NRG1: variants seen among roughly 807,000 people sequenced by gnomAD.
NRG1 encodes pro-neuregulin-1, membrane-bound isoform.
A neutral mutation model predicts 63.8 loss-of-function variants in NRG1; 18 were observed. The observed-to-expected ratio is 0.28, with a 90% CI of 0.19 to 0.42. NRG1 has a LOEUF of 0.42. Among genes scored for constraint, NRG1 ranks in the 10% least tolerant of loss-of-function variants. The probability of loss-of-function intolerance (pLI) is 1.00; values close to 1 mark genes in which losing one functional copy is unlikely to be tolerated. For synonymous variants in NRG1, 302 were observed against 301.3 expected, an observed-to-expected ratio of 1.00 and a Z score of -0.02; for missense variants, 762 against 814.7, an observed-to-expected ratio of 0.94 and a Z score of 0.79.
chr8:32,751,864 C>T (rs1241656293), intron 7 of NRG1, among the ~76,000 whole-genome samples: 1 of 151,378 alleles, frequency 6.6e-6, no homozygotes, highest in Admixed American at 6.6e-5. Flanking sequence ...ATCTATTCTT[C>T]TGTAATTAAC....
intron 1 of NRG1, among the ~76,000 whole-genome samples, chr8:32,348,645 A>C (rs1025046741): frequency 6.6e-6 from 1 of 152,212 alleles, no homozygotes; most frequent in Admixed American, 6.5e-5. Flanking sequence ...TAACTACACT[A>C]TCAGTATGGT....
At chr8:31,818,841 A>T (rs1563440106) in intron 1 of NRG1, among the ~76,000 whole-genome samples, 1 of 152,096 alleles carries the variant, frequency 6.6e-6, no homozygotes, top group Non-Finnish European at 1.5e-5. Flanking sequence ...GCAGATCACG[A>T]GGTCAGGATA....
intron 1 of NRG1, among the ~76,000 whole-genome samples, chr8:32,218,962 G>A (rs758031306): frequency 6.6e-6 from 1 of 152,118 alleles, no homozygotes; most frequent in Non-Finnish European, 1.5e-5. Flanking sequence ...GACATTTACC[G>A]AGTATGTATT....
chr8:32,221,323 A>T (rs1363033067), intron 1 of NRG1, among the ~76,000 whole-genome samples: 1 of 152,144 alleles, frequency 6.6e-6, no homozygotes, highest in Non-Finnish European at 1.5e-5. Flanking sequence ...ACCTGTCTTG[A>T]TGCACGGTGG....
chr8:32,029,717 T>C (rs1018379506), intron 1 of NRG1, among the ~76,000 whole-genome samples: 1 of 152,244 alleles, frequency 6.6e-6, no homozygotes, highest in African/African-American at 2.4e-5. Context: ...TGATACGATT[T>C]AACATTACCT....
chr8:32,326,516 G>C (rs911626425), intron 1 of NRG1, among the ~76,000 whole-genome samples: 2 of 151,834 alleles, frequency 1.3e-5, no homozygotes, highest in African/African-American at 4.8e-5. Context: ...GTAGAGACAT[G>C]GTCTCACTAT....
At chr8:32,663,998 G>A (rs946473782) in intron 5 of NRG1, among the ~76,000 whole-genome samples, 3 of 152,142 alleles carry the variant, frequency 2.0e-5, no homozygotes, top group African/African-American at 7.2e-5. Context: ...TAATACTCAT[G>A]TGTGTATTTA....
At chr8:32,439,935 C>T (rs528897916) in intron 1 of NRG1, among the ~76,000 whole-genome samples, 1 of 151,942 alleles carries the variant, frequency 6.6e-6, no homozygotes, top group Non-Finnish European at 1.5e-5. Flanking sequence ...CCCCACCACA[C>T]CTGGTATATT....
chr8:32,184,992 G>A (rs1841825712), intron 1 of NRG1, among the ~76,000 whole-genome samples: 1 of 152,146 alleles, frequency 6.6e-6, no homozygotes, highest in Non-Finnish European at 1.5e-5. Flanking sequence ...GTCCTGCCTT[G>A]TAGATGACAT....
intron 1 of NRG1, among the ~76,000 whole-genome samples, chr8:32,407,292 TATTA>T (rs1451589879): frequency 6.2e-4 from 2 of 3,216 alleles, no homozygotes; most frequent in African/African-American, 1.0e-3. Flanking sequence ...TATATATATA[TATTA>T]TATATATATA....
exon 12 of NRG1, chr8:32,764,233 A>T (rs749731963): frequency 1.2e-6 from 2 of 1,614,122 alleles, no homozygotes; most frequent in South Asian, 2.2e-5. Flanking sequence ...GTAGGTGAAG[A>T]TACGCCTTTC....
chr8:32,565,533 G>A (rs1312375121), intron 1 of NRG1, among the ~76,000 whole-genome samples: 2 of 152,090 alleles, frequency 1.3e-5, no homozygotes, highest in Admixed American at 6.6e-5. Flanking sequence ...CTCTTTTGAA[G>A]TTATCTTCCC....
At chr8:32,375,018 T>C (rs1156271583) in intron 1 of NRG1, among the ~76,000 whole-genome samples, 1 of 152,198 alleles carries the variant, frequency 6.6e-6, no homozygotes, top group African/African-American at 2.4e-5. Context: ...GGTCTGCCTC[T>C]GTCACCCAGG....
chr8:32,478,338 T>C (rs1321382695), intron 1 of NRG1, among the ~76,000 whole-genome samples: 1 of 152,324 alleles, frequency 6.6e-6, no homozygotes, highest in Middle Eastern at 3.4e-3. Context: ...GGCCAAAGAC[T>C]TTTGCAATGA....
chr8:32,009,573 G>C (rs368592265), intron 1 of NRG1, among the ~76,000 whole-genome samples: 41 of 151,840 alleles, frequency 2.7e-4, no homozygotes, highest in African/African-American at 8.7e-4. Flanking sequence ...TAGGGTTTTG[G>C]GGGGAAGAGG....
chr8:32,286,193 T>G (rs1391244741), intron 1 of NRG1, among the ~76,000 whole-genome samples: 1 of 152,206 alleles, frequency 6.6e-6, no homozygotes, highest in African/African-American at 2.4e-5. Context: ...AGCTGGATAT[T>G]GCTATAAAAC....
At chr8:31,674,335 A>T (rs1164371078) in intron 1 of NRG1, among the ~76,000 whole-genome samples, 2 of 152,170 alleles carry the variant, frequency 1.3e-5, no homozygotes, top group Non-Finnish European at 2.9e-5. Flanking sequence ...GCAGTTTCAC[A>T]TGTTACAGTT....
chr8:32,039,020 TG>T (rs1414190284), intron 1 of NRG1, among the ~76,000 whole-genome samples: 1 of 152,172 alleles, frequency 6.6e-6, no homozygotes. Flanking sequence ...ACAAGTAAGC[TG>T]GAACTGTATG....
intron 1 of NRG1, among the ~76,000 whole-genome samples, chr8:32,090,073 A>C (rs1194560451): frequency 6.6e-6 from 1 of 152,182 alleles, no homozygotes; most frequent in Non-Finnish European, 1.5e-5. Context: ...AAATCTATCA[A>C]CAGCCAGGTT....
Sources: allele counts gnomAD v4.1 joint callset (sites outside exome capture counted in the v4.1 genomes callset), GRCh38; gene constraint gnomAD v4.1.1; transcripts MANE v1.5; gene names NCBI Gene and HGNC (gene_info 2026-07-23, HGNC 2026-07-21).